MYLIP: variants seen among roughly 807,000 people sequenced by gnomAD.
MYLIP encodes the protein myosin regulatory light chain interacting protein.
MYLIP carries 26 observed loss-of-function variants against 45.8 expected under a neutral mutation model. That is an observed-to-expected ratio of 0.57 (90% confidence interval 0.42 to 0.79). The LOEUF (loss-of-function observed/expected upper bound fraction) is 0.79. Among genes scored for constraint, MYLIP ranks in the 30% least tolerant of loss-of-function variants. The pLI is 0.00. For synonymous variants in MYLIP, 213 were observed against 218.1 expected (o/e 0.98, Z 0.21); for missense variants, 494 against 555.6 (o/e 0.89, Z 1.11).
At chr6:16,161,393 C>G in the MYLIP span, 3 of 229,142 alleles carry the variant, frequency 1.3e-5, no homozygotes, top group Non-Finnish European at 2.7e-5. Context: ...AAGATGACCT[C>G]CCGGACAACC....
Position 16,145,259 on chromosome 6 carries a change from C to G in MYLIP, c.1190C>G (p.Ser397Cys). ...GTGTGCTGCGAGGAGGAGATCAACT[C>G]CACCTTCTGTCCCTGTGGCCACACT... The part of the protein sequence containing the change: ...CMVCCEEEIN[S>C]TFCPCGHTVC... Residue 397 changes from serine (S) to cysteine (C), a missense_variant, in exon 6 of 7, where the codon TCC becomes TGC. By Grantham distance (112) the Ser-to-Cys change is moderately radical. Coordinates refer to ENST00000356840, the MANE Select transcript of MYLIP (RefSeq NM_013262.4). 1 of 1,612,170 alleles carries G rather than the reference C, an allele frequency of 6.2e-7. No homozygotes were observed. Among genetic ancestry groups the G allele is most frequent in the Non-Finnish European group, 8.5e-7 (1 of 1,178,556 alleles).
At position 16,141,735 on chromosome 6, in the gene MYLIP, A is replaced by G. The variant is rs759024621; in HGVS notation, c.389A>G (p.Asp130Gly). The G allele has an allele frequency of 1.7e-5, 27 of 1,614,042 alleles. 2 individuals are homozygous for G. In the South Asian group the frequency reaches 3.0e-4, roughly 18 times the overall value. ...SALLAQTKFG[D>G]YNQNTAKYNY... is the part of the protein sequence containing the mutation. ...CTCCTGGCCCAGACCAAGTTTGGAG[A>G]CTACAACCAGAACACTGCCAAGTAT... Residue 130 changes from aspartate to glycine, a missense_variant, in exon 3 of 7, where the codon GAC becomes GGC. Transcript: ENST00000356840.
At chr6:16,158,078 A>C in the MYLIP span, among the ~76,000 whole-genome samples, 1 of 152,206 alleles carries the variant, frequency 6.6e-6, no homozygotes, top group Admixed American at 6.5e-5. Flanking sequence ...GCTCTGGAGG[A>C]AGCTGCTGTG....
At chr6:16,153,626 C>T in the MYLIP span, among the ~76,000 whole-genome samples, 5 of 152,188 alleles carry the variant, frequency 3.3e-5, no homozygotes, top group African/African-American at 1.2e-4. Context: ...TAAATAATTA[C>T]ACACAACAAA....
intron 2 of MYLIP, among the ~76,000 whole-genome samples, chr6:16,140,366 T>C (rs1005590211): frequency 2.0e-5 from 3 of 152,142 alleles, no homozygotes; most frequent in Admixed American, 1.3e-4. Context: ...AACCTTTTAG[T>C]AAATGTAGAA....
chr6:16,150,334 G>C (rs1759861376), downstream of MYLIP, among the ~76,000 whole-genome samples: 2 of 152,134 alleles, frequency 1.3e-5, no homozygotes, highest in African/African-American at 4.8e-5. Flanking sequence ...GAAGTGTCAG[G>C]GCTTAAGAAA....
chr6:16,142,375 G>T (rs1248546289), intron 3 of MYLIP, among the ~76,000 whole-genome samples: 4 of 152,178 alleles, frequency 2.6e-5, no homozygotes, highest in African/African-American at 9.7e-5. Context: ...TATGTATATT[G>T]GTGTTTTCTT....
At position 16,129,113 on chromosome 6, in the gene MYLIP, C is replaced by G. The variant is rs1025847562; in HGVS notation, c.-210C>G. 3.6e-6 allele frequency: 2 copies of G among 561,434 alleles called. No individual in the cohort carries two copies. Among genetic ancestry groups the G allele is most frequent in the Non-Finnish European group, 6.3e-6 (2 of 318,824 alleles). The allele number at this position is 561,434 out of a possible 1,614,324, so 34.8% of individuals were successfully genotyped here. On this transcript the variant is annotated 5_prime_UTR_variant, in exon 1 of 7. Coordinates refer to ENST00000356840, the MANE Select transcript of MYLIP (RefSeq NM_013262.4). The surrounding 1 kb of genome is among the most constrained non-coding windows in gnomAD (Gnocchi z 5.1). ...TTGGGCTGCTGGAGTGCGGCGCCAC[C>G]GCGGAGGACAGGGGCAGCTGGCGGG... is the stretch of plus-strand genomic sequence containing the variant.
At chr6:16,158,211 C>T in the MYLIP span, among the ~76,000 whole-genome samples, 1 of 152,224 alleles carries the variant, frequency 6.6e-6, no homozygotes, top group African/African-American at 2.4e-5. Flanking sequence ...GCACACCGTC[C>T]CCGCCACTGA....
In MYLIP at chr6:16,145,023, A is replaced by G. The variant is rs1759757423; in HGVS notation, c.954A>G (p.Thr318=). 1 of 1,614,112 alleles carries G rather than the reference A, an allele frequency of 6.2e-7. No individual in the cohort carries two copies. The highest frequency in any genetic ancestry group is 8.5e-7 in the Non-Finnish European group (1 of 1,180,046). ...AATATGTCTTTGATATTAAAAGAACATCAAAGGAGGTGTATGACCATGCCA... is the reference window on the plus strand; with the variant it reads ...AATATGTCTTTGATATTAAAAGAACGTCAAAGGAGGTGTATGACCATGCCA... ...GKKYVFDIKR[T]SKEVYDHARR... The change falls in exon 6 of 7, where the codon ACA becomes ACG. Residue 318 remains threonine (T), a synonymous_variant. Coordinates refer to ENST00000356840, the MANE Select transcript of MYLIP (RefSeq NM_013262.4).
At chr6:16,136,056 G>C (rs1448792121) in intron 2 of MYLIP, among the ~76,000 whole-genome samples, 1 of 151,828 alleles carries the variant, frequency 6.6e-6, no homozygotes, top group African/African-American at 2.4e-5. Flanking sequence ...ACATTAACTA[G>C]AACTCAATGT....
At chr6:16,136,877 TTTG>T (rs757152660) in intron 2 of MYLIP, among the ~76,000 whole-genome samples, 1 of 152,254 alleles carries the variant, frequency 6.6e-6, no homozygotes, top group Non-Finnish European at 1.5e-5. Flanking sequence ...TTTACTCATT[TTTG>T]TTGTTTGCTT....
chr6:16,142,656 C>G (rs1203014112), intron 3 of MYLIP, among the ~76,000 whole-genome samples: 3 of 152,236 alleles, frequency 2.0e-5, no homozygotes, highest in Non-Finnish European at 4.4e-5. Context: ...TACCTCCTTC[C>G]CTGGCCACAG....
At chr6:16,145,642 G>A (rs1325874872) in intron 6 of MYLIP, among the ~76,000 whole-genome samples, 1 of 152,146 alleles carries the variant, frequency 6.6e-6, no homozygotes, top group East Asian at 1.9e-4. Context: ...GCCCAGGGCT[G>A]CTTCCTCTAT....
the MYLIP span, among the ~76,000 whole-genome samples, chr6:16,155,886 A>G: frequency 1.4e-5 from 2 of 144,410 alleles, no homozygotes; most frequent in African/African-American, 5.5e-5. Context: ...CAGCAAGGGT[A>G]GAAGGTCAGT....
intron 4 of MYLIP, 42 bp from the exon 5 acceptor site, chr6:16,143,657 A>T (rs781005169): frequency 3.1e-6 from 5 of 1,600,214 alleles, no homozygotes; most frequent in Non-Finnish European, 3.4e-6. Flanking sequence ...GTGAAGAATC[A>T]CTCCTTCTAG....
intron 2 of MYLIP, among the ~76,000 whole-genome samples, chr6:16,138,902 TTTCTTAAA>T: frequency 6.6e-6 from 1 of 152,288 alleles, no homozygotes; most frequent in Non-Finnish European, 1.5e-5. Context: ...TGCTAGATCT[TTTCTTAAA>T]TTCTGGCCCA....
chr6:16,135,767 A>C (rs904866464), intron 2 of MYLIP, among the ~76,000 whole-genome samples: 3 of 146,418 alleles, frequency 2.0e-5, no homozygotes, highest in South Asian at 2.1e-4. Context: ...ATATATATAT[A>C]TATATATATA....
At chr6:16,163,143 C>T in the MYLIP span, among the ~76,000 whole-genome samples, 1 of 152,196 alleles carries the variant, frequency 6.6e-6, no homozygotes, top group East Asian at 1.9e-4. Flanking sequence ...CCACCCAGCC[C>T]TTACCATCTC....
Sources: gnomAD v4.1 joint callset for allele counts (sites outside exome capture counted in the v4.1 genomes callset) on GRCh38, gnomAD v4.1.1 for gene constraint, Gnocchi (gnomAD v3.1) non-coding constraint, MANE v1.5 for transcripts, NCBI Gene and HGNC (gene_info 2026-07-23, HGNC 2026-07-21) for gene names.